DYSF: variants seen among roughly 807,000 people sequenced by gnomAD.
DYSF encodes dysferlin, also known as dystrophy-associated fer-1-like 1.
In DYSF, 212 loss-of-function variants were observed where a neutral mutation model predicts 274.9. That is an observed-to-expected ratio of 0.77 (90% CI 0.69 to 0.86). DYSF has a LOEUF of 0.86. DYSF is among the 40% of genes least tolerant of loss of function. The pLI is 0.00. For missense variants in DYSF, 2,666 were observed against 2,783.2 expected (o/e 0.96, Z 0.95); for synonymous variants, 1,091 against 1,078.7 (o/e 1.01, Z -0.22).
chr2:71,658,879 G>T lies in DYSF; in HGVS notation c.4757G>T (p.Gly1586Val). Residue 1586 changes from glycine to valine, a missense_variant and splice_region_variant, in exon 44 of 56, where the codon GGC becomes GTC. This residue lies in a region of DYSF where 1,460 missense variants were observed against 1,502.1 expected (regional missense o/e 0.97). Transcript: ENST00000410020. The stretch of plus-strand genomic sequence containing the variant: ...AAATTAACCCTTCCTTCTTTTCAGG[G>T]CCTCTTCAAAATTTATCCCCTCCCA... ...EDPSVIGEFK[G>V]LFKIYPLPED... 1 of 1,614,066 alleles carries T rather than the reference G, an allele frequency of 6.2e-7. No homozygotes were observed. Among genetic ancestry groups the T allele is most frequent in the Non-Finnish European group, 8.5e-7 (1 of 1,180,032 alleles).
At chr2:71,470,901 C>T (rs2081989035) in intron 1 of DYSF, among the ~76,000 whole-genome samples, 1 of 151,324 alleles carries the variant, frequency 6.6e-6, no homozygotes, top group Admixed American at 6.6e-5. Flanking sequence ...GAGTGATTCT[C>T]CTGCCTCAGC....
chr2:71,504,801 G>A (rs1420284198), intron 4 of DYSF, among the ~76,000 whole-genome samples: 1 of 152,156 alleles, frequency 6.6e-6, no homozygotes, highest in Non-Finnish European at 1.5e-5. Flanking sequence ...TTCCATAGCT[G>A]GTCCCTATTC....
chr2:71,574,436 G>T, intron 30 of DYSF, 65 bp downstream of exon 30: 1 of 1,572,328 alleles, frequency 6.4e-7, no homozygotes, highest in Non-Finnish European at 8.7e-7. Flanking sequence ...GGCTGTTCGG[G>T]CTGATGTGGG....
intron 22 of DYSF, among the ~76,000 whole-genome samples, chr2:71,561,260 G>C (rs2091735368): frequency 6.6e-6 from 1 of 152,158 alleles, no homozygotes; most frequent in Non-Finnish European, 1.5e-5. Context: ...TCCCTGCAGT[G>C]CCTGCAGTAG....
At chr2:71,507,183 T>G (rs1379290443) in intron 4 of DYSF, among the ~76,000 whole-genome samples, 1 of 151,878 alleles carries the variant, frequency 6.6e-6, no homozygotes, top group African/African-American at 2.4e-5. Context: ...ACAGAGATGG[T>G]GTATAGAAGC....
At chr2:71,604,441 G>A (rs960523489) in intron 36 of DYSF, among the ~76,000 whole-genome samples, 1 of 152,172 alleles carries the variant, frequency 6.6e-6, no homozygotes, top group Admixed American at 6.5e-5. Context: ...CTCCTGGCCC[G>A]ATCCCTGTGA....
intron 52 of DYSF, 42 bp from the exon 53 acceptor site, chr2:71,679,015 T>G: frequency 6.3e-7 from 1 of 1,598,708 alleles, no homozygotes. Flanking sequence ...AGGCTGGCAG[T>G]GATCGAGAAA....
At chr2:71,491,559 C>G (rs2083857631) in intron 3 of DYSF, among the ~76,000 whole-genome samples, 1 of 152,208 alleles carries the variant, frequency 6.6e-6, no homozygotes, top group African/African-American at 2.4e-5. Flanking sequence ...GATCTTCTCC[C>G]TCCTCCCACC....
intron 3 of DYSF, among the ~76,000 whole-genome samples, chr2:71,490,761 T>C (rs998904604): frequency 1.5e-4 from 23 of 152,228 alleles, no homozygotes; most frequent in Admixed American, 1.2e-3. Context: ...CACTTCATCA[T>C]TGACTCTTTC....
At chr2:71,560,417 G>GCCCCAGCACAGGGCTCCGGCCCAGGCTCC (rs56170138) in intron 22 of DYSF, among the ~76,000 whole-genome samples, 1 of 138,786 alleles carries the variant, frequency 7.2e-6, no homozygotes, top group South Asian at 2.2e-4. Context: ...TCCCAGGCAG[G>GCCCCAGCACAGGGCTCCGGCCCAGGCTCC]CCCCCGCCCC....
At chr2:71,568,423 G>A (rs2092238761) in intron 26 of DYSF, 85 bp downstream of exon 26, 13 of 1,545,068 alleles carry the variant, frequency 8.4e-6, no homozygotes, top group South Asian at 1.2e-5. Context: ...GCAGGCTGGG[G>A]TCTGTTGATC....
chr2:71,464,413 C>T (rs958205430), upstream of DYSF, among the ~76,000 whole-genome samples: 6 of 152,264 alleles, frequency 3.9e-5, no homozygotes, highest in South Asian at 6.2e-4. Flanking sequence ...GAGAAGAAGC[C>T]TGAAAGGGAG....
At chr2:71,516,151 A>G (rs975366663) in intron 8 of DYSF, 29 bp from the exon 9 acceptor site, 1 of 1,612,866 alleles carries the variant, frequency 6.2e-7, no homozygotes, top group South Asian at 1.1e-5. Context: ...GCAGGCACTG[A>G]TATGTCTCTC....
At chr2:71,483,022 G>A (rs10187386) in intron 3 of DYSF, among the ~76,000 whole-genome samples, 4,319 of 152,152 alleles carry the variant, frequency 0.028, 211 homozygotes, top group African/African-American at 0.097. Flanking sequence ...ACCTAGGGAA[G>A]GGCAATCAGG....
At chr2:71,558,821 G>C (rs1351250719) in intron 22 of DYSF, among the ~76,000 whole-genome samples, 1 of 151,006 alleles carries the variant, frequency 6.6e-6, no homozygotes, top group Admixed American at 6.7e-5. Flanking sequence ...TGCCTCTCTG[G>C]GGGGGAATTC....
At chr2:71,622,734 G>A (rs2094133738) in intron 41 of DYSF, among the ~76,000 whole-genome samples, 1 of 152,144 alleles carries the variant, frequency 6.6e-6, no homozygotes, top group African/African-American at 2.4e-5. Flanking sequence ...TCTTGCCTCA[G>A]CCTCCTGAGT....
At chr2:71,514,755 G>A (rs549670943) in intron 7 of DYSF, among the ~76,000 whole-genome samples, 1 of 152,200 alleles carries the variant, frequency 6.6e-6, no homozygotes, top group East Asian at 1.9e-4. Context: ...TTAAGCAGAA[G>A]TCCTAGCTCT....
chr2:71,628,608 C>G (rs1480128484), intron 41 of DYSF, among the ~76,000 whole-genome samples: 1 of 151,984 alleles, frequency 6.6e-6, no homozygotes, highest in Admixed American at 6.6e-5. Flanking sequence ...TTCCATTGTG[C>G]TATTGTTTTC....
chr2:71,618,575 G>GTAGAGGTGGGGGTGTGTGTGTGT (rs2093998893), intron 40 of DYSF, among the ~76,000 whole-genome samples: 1 of 151,328 alleles, frequency 6.6e-6, no homozygotes, highest in Non-Finnish European at 1.5e-5. Flanking sequence ...TGTTTGTGTG[G>GTAGAGGTGGGGGTGTGTGTGTGT]GGTAGAGTTG....
Sources: gnomAD v4.1 joint callset for allele counts (sites outside exome capture counted in the v4.1 genomes callset) on GRCh38, gnomAD v4.1.1 for gene constraint, gnomAD v4.1.1 regional missense constraint, MANE v1.5 for transcripts, NCBI Gene and HGNC (gene_info 2026-07-23, HGNC 2026-07-21) for gene names.